The following RFWD3 variants were observed in gnomAD, a reference collection of about 807,000 sequenced individuals.
RFWD3 encodes E3 ubiquitin-protein ligase RFWD3.
In RFWD3, 65 loss-of-function variants were observed where a neutral mutation model predicts 87.7. The observed-to-expected ratio is 0.74, with a 90% CI of 0.61 to 0.91. The LOEUF (loss-of-function observed/expected upper bound fraction) is 0.91, where lower values mean the gene tolerates loss of function less well. Among genes scored for constraint, RFWD3 ranks in the 40% least tolerant of loss-of-function variants. The probability of loss-of-function intolerance (pLI) is 0.00; values close to 1 mark genes in which losing one functional copy is unlikely to be tolerated. For synonymous variants in RFWD3, 433 were observed against 352.8 expected (o/e 1.23, Z -2.55); for missense variants, 1,078 against 938.5 (o/e 1.15, Z -1.94).
intron 6 of RFWD3, among the ~76,000 whole-genome samples, chr16:74,640,951 A>C (rs1881534218): frequency 1.3e-5 from 2 of 152,068 alleles, no homozygotes. Context: ...AATAAATAAA[A>C]TTCACAAAGG....
chr16:74,659,803 C>G (rs922239152), intron 2 of RFWD3, among the ~76,000 whole-genome samples: 4 of 152,186 alleles, frequency 2.6e-5, no homozygotes, highest in Admixed American at 2.6e-4. Flanking sequence ...ACAACCAAAT[C>G]ACAAATTATC....
chr16:74,632,465 T>C (rs772089430), intron 9 of RFWD3, 58 bp downstream of exon 9: 46 of 1,565,678 alleles, frequency 2.9e-5, no homozygotes, highest in Non-Finnish European at 3.9e-5. Context: ...CCGATACGAA[T>C]TCCATGCTAC....
In RFWD3 at chr16:74,636,355, A is replaced by T. The variant is rs1316483269; in HGVS notation, c.1417T>A (p.Phe473Ile). Residue 473 changes from phenylalanine (F) to isoleucine (I), a missense_variant, in exon 8 of 13, where the codon TTT (phenylalanine) becomes ATT (isoleucine). Physicochemically the swap from Phe to Ile is conservative, Grantham distance 21. Transcript: ENST00000361070. ...GTTCTAGACTCTTTACCTGGAAGAA[A>T]AGAGGCCTGAGGAGAAGGCTGTGAT... ...VISQPSPQASFLPGFGVKMLS... is the reference protein window; with the variant it reads ...VISQPSPQASILPGFGVKMLS... The T allele has an allele frequency of 1.9e-6, 3 of 1,613,764 alleles. No homozygotes were observed. The highest frequency in any genetic ancestry group is 2.5e-6 in the Non-Finnish European group (3 of 1,179,752).
At chr16:74,649,315 T>C in intron 3 of RFWD3, 113 bp from the exon 4 acceptor site, 1 of 665,652 alleles carries the variant, frequency 1.5e-6, no homozygotes, top group East Asian at 3.4e-5. Context: ...CATTTCTAAC[T>C]GACAGTGTTC....
intron 8 of RFWD3, 195 bp from the exon 9 acceptor site, chr16:74,632,868 G>C: frequency 1.8e-6 from 1 of 542,302 alleles, no homozygotes; most frequent in Admixed American, 3.1e-5. Context: ...GAATGCAGTG[G>C]CGTAACCTCA....
chr16:74,651,919 C>A lies in RFWD3; in HGVS notation c.721+1G>T. The A allele has an allele frequency of 6.2e-7, 1 of 1,613,666 alleles. No individual in the cohort carries two copies. The highest frequency in any genetic ancestry group is 1.1e-5 in the South Asian group (1 of 91,040). On this transcript the variant is annotated splice_donor_variant, in intron 3 of 12. Coordinates refer to ENST00000361070, the MANE Select transcript of RFWD3 (RefSeq NM_018124.4). LOFTEE classifies it high-confidence loss of function. ...AGTCCAAACCTGGGTAAAATACTGA[C>A]CTTCTAAAATGACAGCTCCAGATTC...
chr16:74,636,304 G>A (rs1478691092), intron 8 of RFWD3, 42 bp downstream of exon 8: 3 of 1,534,468 alleles, frequency 2.0e-6, no homozygotes, highest in Non-Finnish European at 2.7e-6. Flanking sequence ...AATATATGGA[G>A]TCTAATAAAG....
chr16:74,644,520 G>A lies in RFWD3; in HGVS notation c.987+21C>T, dbSNP rs1000174234. The A allele has an allele frequency of 2.5e-6, 4 of 1,613,982 alleles. No individual in the cohort carries two copies. The African/African-American group carries it at 5.3e-5, about 22-fold the overall frequency. On this transcript the variant is annotated intron_variant, in intron 5 of 12. Coordinates refer to ENST00000361070, the MANE Select transcript of RFWD3 (RefSeq NM_018124.4). Reference sequence around the variant, plus strand: ...TCTGCCTGACTTAACATGTTAATGTGTCCTTACCTATGGTCCTTACCTGGG... The same window carrying A: ...TCTGCCTGACTTAACATGTTAATGTATCCTTACCTATGGTCCTTACCTGGG...
intron 1 of RFWD3, among the ~76,000 whole-genome samples, chr16:74,662,005 T>C (rs905831097): frequency 2.0e-5 from 3 of 151,800 alleles, no homozygotes; most frequent in Admixed American, 6.6e-5. Context: ...CCTTTCATTA[T>C]TTTTGTTTTC....
intron 4 of RFWD3, among the ~76,000 whole-genome samples, chr16:74,645,408 T>C (rs1461950693): frequency 1.3e-5 from 2 of 152,252 alleles, no homozygotes; most frequent in East Asian, 1.9e-4. Context: ...AATGCGTCTT[T>C]AGGCGATTTC....
rs761591977 is a variant in RFWD3 at position 74,661,434 on chromosome 16, T to C, written c.16A>G (p.Met6Val). 10 of 1,609,870 alleles carry C rather than the reference T, an allele frequency of 6.2e-6. No individual in the cohort carries two copies. Among genetic ancestry groups the C allele is most frequent in the African/African-American group, 4.0e-5 (3 of 74,722 alleles). The change falls in exon 2 of 13, where the codon ATG becomes GTG. Residue 6 changes from methionine (M) to valine (V), a missense_variant. Transcript: ENST00000361070. ...AACTGCACCTGAACATCATATTCCA[T>C]TGCTTCATGAGCCATCACTAGAGAA... MAHEA[M>V]EYDVQVQLNH... is the part of the protein sequence containing the mutation.
At chr16:74,624,598 T>C (rs931924844) in intron 12 of RFWD3, among the ~76,000 whole-genome samples, 9 of 152,200 alleles carry the variant, frequency 5.9e-5, no homozygotes, top group Non-Finnish European at 1.3e-4. Flanking sequence ...GGTTTCACCA[T>C]GTTGGCCAGG....
intron 6 of RFWD3, among the ~76,000 whole-genome samples, chr16:74,641,400 T>C (rs1828776157): frequency 6.6e-6 from 1 of 152,010 alleles, no homozygotes; most frequent in African/African-American, 2.4e-5. Flanking sequence ...TGACCTCAGA[T>C]GATCCGCCCA....
chr16:74,637,461 T>C (rs1364996874), intron 7 of RFWD3, among the ~76,000 whole-genome samples: 4 of 152,108 alleles, frequency 2.6e-5, no homozygotes, highest in African/African-American at 9.7e-5. Flanking sequence ...ACCCTGTCTC[T>C]ACTAAAAGTA....
At position 74,634,806 on chromosome 16, in the gene RFWD3, G is replaced by T. The variant is rs542897118; in HGVS notation, c.1426+1540C>A. On this transcript the variant is annotated intron_variant, in intron 8 of 12. Transcript: ENST00000361070. ...CTAGCAGAATTAAGACAGCCAGAGA[G>T]GAAAAAAAAAGGGGGGAAGGGGGGC... Among the ~76,000 whole-genome samples the T allele has an allele frequency of 2.0e-5, 3 of 148,454 alleles. No individual in the cohort carries two copies. The East Asian group carries it at 6.3e-4, about 31-fold the overall frequency.
At chr16:74,662,717 AT>A (rs1961554951) in intron 1 of RFWD3, among the ~76,000 whole-genome samples, 1 of 152,168 alleles carries the variant, frequency 6.6e-6, no homozygotes, top group Non-Finnish European at 1.5e-5. Flanking sequence ...TAAAGGGCCT[AT>A]GGGCCTTGGT....
intron 10 of RFWD3, 23 bp from the exon 11 acceptor site, chr16:74,628,689 GTATC>G: frequency 3.1e-6 from 5 of 1,610,264 alleles, no homozygotes; most frequent in Non-Finnish European, 4.2e-6. Context: ...TAAGGAAACT[GTATC>G]TCACACTCCA....
chr16:74,660,394 A>G (rs1305978159), intron 2 of RFWD3, among the ~76,000 whole-genome samples: 2 of 152,158 alleles, frequency 1.3e-5, no homozygotes. Flanking sequence ...TGGAGGTTGC[A>G]GTGAGCAAAG....
At chr16:74,633,792 A>C (rs1012647642) in intron 8 of RFWD3, among the ~76,000 whole-genome samples, 7 of 152,046 alleles carry the variant, frequency 4.6e-5, no homozygotes, top group Admixed American at 2.0e-4. Context: ...GCTACAAAAA[A>C]TATGAGAATT....
Sources: allele counts gnomAD v4.1 joint callset (sites outside exome capture counted in the v4.1 genomes callset), GRCh38; gene constraint gnomAD v4.1.1; transcripts MANE v1.5; gene names NCBI Gene and HGNC (gene_info 2026-07-23, HGNC 2026-07-21).